KIT: variants seen among roughly 807,000 people sequenced by gnomAD.
KIT encodes the protein KIT proto-oncogene, receptor tyrosine kinase, also known as mast/stem cell growth factor receptor Kit.
KIT carries 16 observed loss-of-function variants against 105.7 expected under a neutral mutation model. The observed-to-expected ratio is 0.15, with a 90% CI of 0.10 to 0.23. The LOEUF (loss-of-function observed/expected upper bound fraction) is 0.23, where lower values mean the gene tolerates loss of function less well. Among genes scored for constraint, KIT ranks in the 10% least tolerant of loss-of-function variants. The probability of loss-of-function intolerance (pLI) is 1.00; values close to 1 mark genes in which losing one functional copy is unlikely to be tolerated. For missense variants in KIT, 858 were observed against 1,213.8 expected (o/e 0.71, Z 4.36); for synonymous variants, 438 against 441.1 (o/e 0.99, Z 0.09).
At chr4:54,707,848 G>C (rs1307808697) in intron 6 of KIT, among the ~76,000 whole-genome samples, 1 of 152,074 alleles carries the variant, frequency 6.6e-6, no homozygotes, top group East Asian at 1.9e-4. Context: ...AAGCCTCACA[G>C]ACTTTGTGAG....
intron 1 of KIT, among the ~76,000 whole-genome samples, chr4:54,674,925 T>TA (rs1305138769): frequency 6.6e-6 from 1 of 152,232 alleles, no homozygotes; most frequent in African/African-American, 2.4e-5. Flanking sequence ...TTTACAGTTT[T>TA]AAAAGTATTA....
intron 1 of KIT, among the ~76,000 whole-genome samples, chr4:54,678,353 C>CTTG (rs1230147919): frequency 5.2e-5 from 3 of 58,164 alleles, no homozygotes; most frequent in African/African-American, 1.8e-4. Flanking sequence ...TCCTTCCTTC[C>CTTG]CTCCCTCCCT....
At chr4:54,733,969 T>C (rs1722765813) in intron 17 of KIT, among the ~76,000 whole-genome samples, 1 of 152,282 alleles carries the variant, frequency 6.6e-6, no homozygotes, top group South Asian at 2.1e-4. Context: ...AGGTGGATTT[T>C]TGTGCCCCTT....
rs1375059706 is a variant in KIT, at chr4:54,671,545, G to A, written c.67+13464G>A. ...AGCTGCTTAAATATATTTGCTCCAG[G>A]TTTCACAATTCCTTTTATTTACAGT... On this transcript the variant is annotated intron_variant, in intron 1 of 20. Transcript: ENST00000288135. 3.3e-5 allele frequency among the ~76,000 whole-genome samples: 5 copies of A among 152,076 alleles called. No individual in the cohort carries two copies. The East Asian group carries it at 7.7e-4, about 23-fold the overall frequency.
chr4:54,707,052 T>C (rs1283543488), intron 5 of KIT, 46 bp from the exon 6 acceptor site: 1 of 1,087,274 alleles, frequency 9.2e-7, no homozygotes, highest in South Asian at 1.3e-5. Context: ...TTTTGTCCAG[T>C]AGTTGTAGAT....
At chr4:54,662,951 C>T (rs1423025898) in intron 1 of KIT, among the ~76,000 whole-genome samples, 1 of 151,686 alleles carries the variant, frequency 6.6e-6, no homozygotes, top group African/African-American at 2.4e-5. Flanking sequence ...ATCACTAGTC[C>T]TAGAGATTGA....
intron 1 of KIT, among the ~76,000 whole-genome samples, chr4:54,661,990 T>G (rs894859636): frequency 6.6e-6 from 1 of 152,228 alleles, no homozygotes; most frequent in East Asian, 1.9e-4. Context: ...CATGTTTTCT[T>G]TGGCCTACAT....
In KIT at chr4:54,727,630, G is replaced by A; in HGVS notation, c.1774+88G>A. On this transcript the variant is annotated intron_variant, in intron 11 of 20. Coordinates refer to ENST00000288135, the MANE Select transcript of KIT (RefSeq NM_000222.3). Reference sequence around the variant, plus strand: ...GAACTCCAGTGGCTTCCTTTGTTTTGTTCCACCTGAAACAATGAGTTTTCT... The same window carrying A: ...GAACTCCAGTGGCTTCCTTTGTTTTATTCCACCTGAAACAATGAGTTTTCT... 5.2e-6 allele frequency: 8 copies of A among 1,541,498 alleles called. No homozygotes were observed. In the South Asian group the frequency reaches 7.9e-5, roughly 15 times the overall value.
At chr4:54,687,309 G>C (rs1000164778) in intron 1 of KIT, among the ~76,000 whole-genome samples, 1 of 152,066 alleles carries the variant, frequency 6.6e-6, no homozygotes, top group Non-Finnish European at 1.5e-5. Flanking sequence ...ATGGTTATGT[G>C]CCCCTGTAAT....
rs1723180546 is a variant in KIT, at chr4:54,740,446, TA to T, written c.*1890del. Reference sequence around the variant, plus strand: ...AGTTTATATTTTTATAATTTTTTCTTACATCAGATGTTTCTTTGCAGTGGCT... The same window carrying T: ...AGTTTATATTTTTATAATTTTTTCTTCATCAGATGTTTCTTTGCAGTGGCT... On this transcript the variant is annotated 3_prime_UTR_variant, in exon 21 of 21. Coordinates refer to ENST00000288135, the MANE Select transcript of KIT (RefSeq NM_000222.3). The T allele has an allele frequency of 4.3e-6, 1 of 233,344 alleles. No homozygotes were observed. Among genetic ancestry groups the T allele is most frequent in the Non-Finnish European group, 8.5e-6 (1 of 117,910 alleles). The allele number at this position is 233,344 out of a possible 1,614,324, so 14.5% of individuals were successfully genotyped here.
chr4:54,693,171 C>A (rs1719827520), intron 1 of KIT, among the ~76,000 whole-genome samples: 1 of 152,226 alleles, frequency 6.6e-6, no homozygotes, highest in Admixed American at 6.5e-5. Context: ...GCAAACAACA[C>A]TTCCCACTCA....
chr4:54,713,119 A>T (rs1391123550), intron 7 of KIT, among the ~76,000 whole-genome samples: 6 of 152,174 alleles, frequency 3.9e-5, no homozygotes, highest in African/African-American at 1.2e-4. Flanking sequence ...ATTTTTAAAA[A>T]TTTTATTTCA....
At chr4:54,693,446 A>C (rs1042571116) in intron 1 of KIT, among the ~76,000 whole-genome samples, 11 of 151,986 alleles carry the variant, frequency 7.2e-5, no homozygotes, top group Non-Finnish European at 1.5e-4. Context: ...GGTTCCTCAA[A>C]CCCTTTTCTT....
intron 8 of KIT, 27 bp from the exon 9 acceptor site, chr4:54,725,830 C>T (rs2109767643): frequency 1.2e-6 from 2 of 1,604,648 alleles, no homozygotes; most frequent in South Asian, 2.2e-5. Context: ...CTAGAGTAAG[C>T]CAGGGCTTTT....
intron 1 of KIT, among the ~76,000 whole-genome samples, chr4:54,680,550 C>A (rs1409188424): frequency 5.3e-5 from 8 of 151,934 alleles, no homozygotes; most frequent in Non-Finnish European, 1.5e-5. Flanking sequence ...CGCCACCACG[C>A]CCGGCTAATT....
In KIT at chr4:54,723,727, T is replaced by A. The variant is rs528420270; in HGVS notation, c.1346+29T>A. On this transcript the variant is annotated intron_variant, in intron 8 of 20. Coordinates refer to ENST00000288135, the MANE Select transcript of KIT (RefSeq NM_000222.3). ...AGATGATTATTTTTGGCACTGCTTATAATGCAGAGGGGAAGGACTGCAATT... is the reference window on the plus strand; with the variant it reads ...AGATGATTATTTTTGGCACTGCTTAAAATGCAGAGGGGAAGGACTGCAATT... 3 of 1,258,868 alleles carry A rather than the reference T, an allele frequency of 2.4e-6. No individual in the cohort carries two copies. The African/African-American group carries it at 4.4e-5, about 18-fold the overall frequency. 78.0% of individuals were successfully genotyped at this position (1,258,868 alleles called of 1,614,324 possible).
chr4:54,737,637 G>A (rs1425451312), intron 20 of KIT, among the ~76,000 whole-genome samples: 1 of 152,156 alleles, frequency 6.6e-6, no homozygotes, highest in Non-Finnish European at 1.5e-5. Flanking sequence ...CCTTTGGAGG[G>A]TTGGGGTGAT....
chr4:54,694,711 G>A (rs1359964098), intron 1 of KIT, among the ~76,000 whole-genome samples: 1 of 152,132 alleles, frequency 6.6e-6, no homozygotes, highest in Admixed American at 6.5e-5. Flanking sequence ...TGAAATGTAT[G>A]TGAGGACCAT....
intron 1 of KIT, among the ~76,000 whole-genome samples, chr4:54,682,337 C>T (rs1049097233): frequency 2.3e-4 from 35 of 152,252 alleles, no homozygotes; most frequent in African/African-American, 8.4e-4. Context: ...ATCCTCCCGC[C>T]TTGACCTCCC....
Sources: gnomAD v4.1 joint callset for allele counts (sites outside exome capture counted in the v4.1 genomes callset) on GRCh38, gnomAD v4.1.1 for gene constraint, MANE v1.5 for transcripts, NCBI Gene and HGNC (gene_info 2026-07-23, HGNC 2026-07-21) for gene names.